Variants in LRMDA observed in about 807,000 individuals in gnomAD.
LRMDA encodes leucine-rich melanocyte differentiation-associated protein.
LRMDA carries 18 observed loss-of-function variants against 29.8 expected under a neutral mutation model. The ratio of observed to expected loss-of-function variants is 0.60; its 90% CI spans 0.42 to 0.90. The LOEUF (loss-of-function observed/expected upper bound fraction) is 0.90. Ranked by LOEUF, LRMDA falls within the 40% of genes least tolerant of loss-of-function variation. The pLI, the probability that LRMDA is intolerant of heterozygous loss-of-function variation, is 0.00. For synonymous variants in LRMDA, 125 were observed against 109.4 expected (o/e 1.14, Z -0.89); for missense variants, 273 against 273.9 (o/e 1.00, Z 0.02).
intron 2 of LRMDA, among the ~76,000 whole-genome samples, chr10:75,852,693 C>T (rs1844752467): frequency 6.6e-6 from 1 of 152,208 alleles, no homozygotes; most frequent in Non-Finnish European, 1.5e-5. Flanking sequence ...CTTTTGCTGG[C>T]CTCTGTAGAG....
intron 6 of LRMDA, among the ~76,000 whole-genome samples, chr10:76,488,425 T>C (rs1184876629): frequency 6.6e-6 from 1 of 151,696 alleles, no homozygotes; most frequent in East Asian, 1.9e-4. Flanking sequence ...AAAAATACAA[T>C]ATGTACTGTT....
At chr10:76,145,958 C>T (rs1390521131) in intron 5 of LRMDA, among the ~76,000 whole-genome samples, 3 of 151,162 alleles carry the variant, frequency 2.0e-5, no homozygotes, top group Admixed American at 6.6e-5. Context: ...ACCCAGTAGT[C>T]ATTCAGGAGC....
chr10:75,446,122 C>T (rs1045845447), intron 2 of LRMDA, among the ~76,000 whole-genome samples: 2 of 152,228 alleles, frequency 1.3e-5, no homozygotes, highest in African/African-American at 2.4e-5. Context: ...TTCTGTGTCT[C>T]TGTTATGAAC....
chr10:76,233,460 T>C (rs1852096634), intron 5 of LRMDA, among the ~76,000 whole-genome samples: 1 of 152,188 alleles, frequency 6.6e-6, no homozygotes, highest in African/African-American at 2.4e-5. Context: ...TTGGGATGGC[T>C]GTGACAATTT....
intron 6 of LRMDA, chr10:76,437,612 C>G (rs113622325): frequency 2.0e-5 from 3 of 152,196 alleles, no homozygotes; most frequent in Non-Finnish European, 4.4e-5. Context: ...AGACAATGCC[C>G]AGAATCCAGT....
At chr10:76,482,357 C>T (rs201519181) in intron 6 of LRMDA, among the ~76,000 whole-genome samples, 1 of 152,002 alleles carries the variant, frequency 6.6e-6, no homozygotes, top group East Asian at 1.9e-4. Flanking sequence ...TTCATTATCT[C>T]TGCCCATCAG....
chr10:75,884,613 A>T (rs1845352040), intron 2 of LRMDA, among the ~76,000 whole-genome samples: 1 of 152,244 alleles, frequency 6.6e-6, no homozygotes, highest in Non-Finnish European at 1.5e-5. Flanking sequence ...CAGGAGAATT[A>T]GAGTCTTCTG....
chr10:76,384,137 G>T (rs1841631148), intron 6 of LRMDA, among the ~76,000 whole-genome samples: 1 of 152,068 alleles, frequency 6.6e-6, no homozygotes, highest in Non-Finnish European at 1.5e-5. Flanking sequence ...CTGAATGAAT[G>T]GTTTCCCTGT....
intron 2 of LRMDA, among the ~76,000 whole-genome samples, chr10:76,007,389 AT>A (rs1243759280): frequency 1.3e-5 from 2 of 152,056 alleles, no homozygotes; most frequent in African/African-American, 2.4e-5. Flanking sequence ...CTCTGGCACA[AT>A]TTGCTTTGAG....
At chr10:76,386,094 T>G (rs1256392495) in intron 6 of LRMDA, among the ~76,000 whole-genome samples, 2 of 152,198 alleles carry the variant, frequency 1.3e-5, no homozygotes, top group Admixed American at 6.5e-5. Flanking sequence ...ATATAAAAAT[T>G]ATTTTGAATG....
chr10:76,460,553 A>T (rs1842501438), intron 6 of LRMDA, among the ~76,000 whole-genome samples: 1 of 152,216 alleles, frequency 6.6e-6, no homozygotes, highest in Admixed American at 6.5e-5. Flanking sequence ...ATTATTTTCC[A>T]TGATTTAGCT....
chr10:76,266,634 A>T (rs1840009618), intron 5 of LRMDA, among the ~76,000 whole-genome samples: 1 of 152,182 alleles, frequency 6.6e-6, no homozygotes, highest in South Asian at 2.1e-4. Flanking sequence ...GCTTCAGCTT[A>T]GGTCTGTCTA....
intron 5 of LRMDA, among the ~76,000 whole-genome samples, chr10:76,121,460 T>A (rs7908162): frequency 3.3e-5 from 5 of 152,122 alleles, no homozygotes; most frequent in South Asian, 4.1e-4. Flanking sequence ...AATCCACAAT[T>A]GTCTGTCATC....
At chr10:75,928,373 A>T (rs1448168038) in intron 2 of LRMDA, among the ~76,000 whole-genome samples, 1 of 151,982 alleles carries the variant, frequency 6.6e-6, no homozygotes. Flanking sequence ...GATACAATTT[A>T]AAAGGCCGGC....
At chr10:75,839,942 T>A (rs1301540402) in intron 2 of LRMDA, among the ~76,000 whole-genome samples, 1 of 152,156 alleles carries the variant, frequency 6.6e-6, no homozygotes, top group East Asian at 1.9e-4. Flanking sequence ...TCTCCTGACC[T>A]CGTGATCCAC....
intron 5 of LRMDA, among the ~76,000 whole-genome samples, chr10:76,207,133 C>T (rs1402917950): frequency 6.6e-6 from 1 of 151,962 alleles, no homozygotes; most frequent in Non-Finnish European, 1.5e-5. Context: ...TGTGCCACAA[C>T]AGGGGTAATG....
At chr10:76,122,662 C>T (rs1029738248) in intron 5 of LRMDA, among the ~76,000 whole-genome samples, 9 of 152,148 alleles carry the variant, frequency 5.9e-5, no homozygotes, top group African/African-American at 2.2e-4. Flanking sequence ...GCAAATGAAG[C>T]ATCTCTCTTA....
chr10:75,586,798 C>G (rs1840661661), intron 2 of LRMDA, among the ~76,000 whole-genome samples: 1 of 141,518 alleles, frequency 7.1e-6, no homozygotes, highest in Non-Finnish European at 1.5e-5. Flanking sequence ...AGTTCTTAGT[C>G]CATTTTGTAA....
intron 5 of LRMDA, among the ~76,000 whole-genome samples, chr10:76,140,886 G>T (rs992855918): frequency 2.0e-5 from 3 of 152,072 alleles, no homozygotes; most frequent in African/African-American, 7.2e-5. Context: ...GTCCCATTCA[G>T]TTTCCAAAAA....
Sources: allele counts gnomAD v4.1 joint callset (sites outside exome capture counted in the v4.1 genomes callset), GRCh38; gene constraint gnomAD v4.1.1; transcripts MANE v1.5; gene names NCBI Gene and HGNC (gene_info 2026-07-23, HGNC 2026-07-21).